Variants in EPB41L2 observed in about 807,000 individuals in gnomAD.
EPB41L2 encodes band 4.1-like protein 2.
A neutral mutation model predicts 113.0 loss-of-function variants in EPB41L2; 43 were observed. That is an observed-to-expected ratio of 0.38 (90% CI 0.30 to 0.49). EPB41L2 has a LOEUF of 0.49. Ranked by LOEUF, EPB41L2 falls within the 20% of genes least tolerant of loss-of-function variation. The pLI, the probability that EPB41L2 is intolerant of heterozygous loss-of-function variation, is 0.95. For missense variants in EPB41L2, 1,147 were observed against 1,223.4 expected (o/e 0.94, Z 0.93); for synonymous variants, 442 against 436.7 (o/e 1.01, Z -0.15).
At chr6:131,049,900 A>G (rs1796193549) in intron 1 of EPB41L2, among the ~76,000 whole-genome samples, 2 of 152,188 alleles carry the variant, frequency 1.3e-5, no homozygotes, top group Non-Finnish European at 2.9e-5. Flanking sequence ...AACTGGCAAA[A>G]GTGCACAGTA....
At position 131,032,943 on chromosome 6, in the gene EPB41L2, T is replaced by G. The variant is rs554526787; in HGVS notation, c.-15+30212A>C. ...ACTTTGGGAGTGCAGTGGCACAATC[T>G]CAGCTTACTGCAACCTCTGTCACCC... On this transcript the variant is annotated intron_variant, in intron 1 of 19. Transcript: ENST00000337057. Among the ~76,000 whole-genome samples the G allele has an allele frequency of 6.7e-4, 102 of 152,304 alleles. 2 individuals carry two copies. The highest frequency in any genetic ancestry group is 2.3e-3 in the African/African-American group (94 of 41,576).
At chr6:130,941,286 A>T (rs1042112034) in intron 3 of EPB41L2, among the ~76,000 whole-genome samples, 3 of 152,190 alleles carry the variant, frequency 2.0e-5, no homozygotes, top group Non-Finnish European at 2.9e-5. Context: ...TCTACTACTC[A>T]CTTTAAACAG....
At chr6:131,049,432 G>C (rs1182404083) in intron 1 of EPB41L2, among the ~76,000 whole-genome samples, 1 of 152,126 alleles carries the variant, frequency 6.6e-6, no homozygotes, top group Admixed American at 6.5e-5. Flanking sequence ...AGGAAAAAAA[G>C]TTTTCCTTTT....
chr6:130,898,705 C>CA (rs1351209783), intron 8 of EPB41L2, among the ~76,000 whole-genome samples: 4 of 151,460 alleles, frequency 2.6e-5, no homozygotes, highest in East Asian at 1.9e-4. Context: ...TTTATGCTTG[C>CA]AAAAAAAATG....
At chr6:130,885,304 CATATGA>C in intron 11 of EPB41L2, 36 bp from the exon 12 acceptor site, 1 of 1,605,444 alleles carries the variant, frequency 6.2e-7, no homozygotes, top group Non-Finnish European at 8.5e-7. Context: ...TATTTTAGGA[CATATGA>C]ATCATAAACT....
chr6:130,873,145 G>A (rs116744171), intron 14 of EPB41L2, among the ~76,000 whole-genome samples: 283 of 152,252 alleles, frequency 1.9e-3, no homozygotes, highest in African/African-American at 6.2e-3. Flanking sequence ...TCCCTCAGGC[G>A]TGCTAAATAT....
chr6:131,045,416 A>C (rs545631246), intron 1 of EPB41L2, among the ~76,000 whole-genome samples: 2 of 129,054 alleles, frequency 1.5e-5, no homozygotes, highest in Admixed American at 7.6e-5. Flanking sequence ...ACTGAAATGC[A>C]GAACTCAAGA....
intron 3 of EPB41L2, among the ~76,000 whole-genome samples, chr6:130,937,616 C>A (rs1245888346): frequency 6.6e-6 from 1 of 152,150 alleles, no homozygotes; most frequent in Non-Finnish European, 1.5e-5. Flanking sequence ...GTCAGGAGTT[C>A]AAGACCAGCC....
At chr6:130,999,452 TAA>T (rs1222511671) in intron 1 of EPB41L2, among the ~76,000 whole-genome samples, 5 of 152,212 alleles carry the variant, frequency 3.3e-5, no homozygotes, top group African/African-American at 1.2e-4. Flanking sequence ...AATGATTCAA[TAA>T]AGTTATTGTA....
chr6:130,889,181 A>T (rs1791991620), intron 11 of EPB41L2, among the ~76,000 whole-genome samples: 1 of 151,712 alleles, frequency 6.6e-6, no homozygotes, highest in South Asian at 2.1e-4. Flanking sequence ...TTATATATAT[A>T]TTTTAGTTCA....
At chr6:131,062,043 G>C (rs1022697822) in intron 1 of EPB41L2, among the ~76,000 whole-genome samples, 2 of 152,012 alleles carry the variant, frequency 1.3e-5, no homozygotes, top group African/African-American at 4.8e-5. Flanking sequence ...CATCCACCCA[G>C]GGATCTTAAA....
At chr6:130,952,020 G>A (rs1815293481) in intron 3 of EPB41L2, among the ~76,000 whole-genome samples, 1 of 152,134 alleles carries the variant, frequency 6.6e-6, no homozygotes, top group African/African-American at 2.4e-5. Context: ...GTGAAGATTT[G>A]CAGATTTTTT....
At chr6:130,858,384 A>G in intron 18 of EPB41L2, 141 bp from the exon 19 acceptor site, 1 of 599,220 alleles carries the variant, frequency 1.7e-6, no homozygotes, top group Non-Finnish European at 2.9e-6. Flanking sequence ...AAGCAGGAAG[A>G]TTTGAAATGG....
intron 1 of EPB41L2, among the ~76,000 whole-genome samples, chr6:131,027,800 A>T (rs576369440): frequency 2.2e-4 from 34 of 152,348 alleles, no homozygotes; most frequent in Admixed American, 3.9e-4. Flanking sequence ...ACAAAAATTT[A>T]AAGTTTTTAA....
chr6:131,020,236 C>T (rs201956108), intron 1 of EPB41L2, among the ~76,000 whole-genome samples: 2 of 152,048 alleles, frequency 1.3e-5, no homozygotes, highest in Non-Finnish European at 2.9e-5. Flanking sequence ...TTTGCATTTT[C>T]GCTTTTTTTC....
intron 3 of EPB41L2, among the ~76,000 whole-genome samples, chr6:130,934,404 T>C (rs1343930024): frequency 2.6e-5 from 4 of 152,200 alleles, no homozygotes; most frequent in African/African-American, 9.6e-5. Flanking sequence ...TCAAAAAAGA[T>C]ACATATTATA....
At chr6:131,027,569 C>T (rs1022503716) in intron 1 of EPB41L2, among the ~76,000 whole-genome samples, 1 of 152,146 alleles carries the variant, frequency 6.6e-6, no homozygotes, top group African/African-American at 2.4e-5. Context: ...GATACAAGGC[C>T]AATGCTTAAT....
intron 3 of EPB41L2, among the ~76,000 whole-genome samples, chr6:130,953,056 T>G (rs937865705): frequency 6.7e-6 from 1 of 150,270 alleles, no homozygotes; most frequent in African/African-American, 2.5e-5. Context: ...AATTCTATAT[T>G]CTACAGATGA....
At chr6:130,955,885 C>T (rs1817282575) in intron 2 of EPB41L2, 109 bp downstream of exon 2, 2 of 1,497,276 alleles carry the variant, frequency 1.3e-6, no homozygotes, top group Non-Finnish European at 1.8e-6. Context: ...TAAGCTAAAG[C>T]AGTATCTCAG....
Sources: gnomAD v4.1 joint callset for allele counts (sites outside exome capture counted in the v4.1 genomes callset) on GRCh38, gnomAD v4.1.1 for gene constraint, MANE v1.5 for transcripts, NCBI Gene and HGNC (gene_info 2026-07-23, HGNC 2026-07-21) for gene names.